EVA1A: variants seen among roughly 807,000 people sequenced by gnomAD.
EVA1A encodes protein eva-1 homolog A.
A neutral mutation model predicts 9.8 loss-of-function variants in EVA1A; 7 were observed. The observed-to-expected ratio is 0.71, with a 90% CI of 0.41 to 1.34. The LOEUF (loss-of-function observed/expected upper bound fraction) is 1.34, where lower values mean the gene tolerates loss of function less well. Among genes scored for constraint, EVA1A ranks in the 40% most tolerant of loss-of-function variants. The probability of loss-of-function intolerance (pLI) is 0.01; values close to 1 mark genes in which losing one functional copy is unlikely to be tolerated. For synonymous variants in EVA1A, 90 were observed against 85.6 expected, an observed-to-expected ratio of 1.05 and a Z score of -0.28; for missense variants, 206 against 205.9, an observed-to-expected ratio of 1.00 and a Z score of 0.00.
intron 3 of EVA1A, among the ~76,000 whole-genome samples, chr2:75,509,920 T>C (rs991470493): frequency 6.6e-6 from 1 of 151,492 alleles, no homozygotes; most frequent in Non-Finnish European, 1.5e-5. Context: ...AAAAACCTAA[T>C]GAAGTGGGGG....
chr2:75,512,072 A>G (rs1403546644), intron 3 of EVA1A, among the ~76,000 whole-genome samples: 1 of 152,058 alleles, frequency 6.6e-6, no homozygotes, highest in East Asian at 1.9e-4. Context: ...TTTATGGGGT[A>G]CCCAAAGGTG....
chr2:75,494,761 A>G (rs1674148122), intron 3 of EVA1A, among the ~76,000 whole-genome samples: 2 of 152,210 alleles, frequency 1.3e-5, no homozygotes, highest in Non-Finnish European at 1.5e-5. Context: ...GTTTTCAGCC[A>G]CTAAGTTTTG....
chr2:75,535,261 A>G (rs1025420945), intron 1 of EVA1A, among the ~76,000 whole-genome samples: 3 of 150,890 alleles, frequency 2.0e-5, no homozygotes, highest in African/African-American at 7.4e-5. Context: ...GCCATTATTA[A>G]AAAGTCAAAA....
chr2:75,545,826 C>T (rs1344325854), intron 1 of EVA1A, among the ~76,000 whole-genome samples: 2 of 152,012 alleles, frequency 1.3e-5, no homozygotes, highest in African/African-American at 4.8e-5. Context: ...CAAGGGGAAG[C>T]CCAAGGAGCT....
chr2:75,500,030 C>T (rs1674353752), intron 3 of EVA1A, among the ~76,000 whole-genome samples: 1 of 152,194 alleles, frequency 6.6e-6, no homozygotes, highest in Non-Finnish European at 1.5e-5. Context: ...ACCTGTTCTA[C>T]ACCACCCATT....
At chr2:75,495,648 G>C (rs1364478317) in intron 3 of EVA1A, among the ~76,000 whole-genome samples, 1 of 152,038 alleles carries the variant, frequency 6.6e-6, no homozygotes, top group Non-Finnish European at 1.5e-5. Flanking sequence ...TAATTTCTCT[G>C]ACTATACATT....
chr2:75,533,059 A>T (rs1188016470), intron 1 of EVA1A, among the ~76,000 whole-genome samples: 1 of 151,762 alleles, frequency 6.6e-6, no homozygotes, highest in Non-Finnish European at 1.5e-5. Context: ...TGAGAGGATC[A>T]CTTGAGCCTA....
upstream of EVA1A, among the ~76,000 whole-genome samples, chr2:75,564,315 G>T (rs1222392063): frequency 6.6e-6 from 1 of 152,206 alleles, no homozygotes; most frequent in Non-Finnish European, 1.5e-5. Flanking sequence ...AGAATTAGAG[G>T]AAGAAAAGGG....
chr2:75,560,092 T>C (rs1676870469), intron 1 of EVA1A, among the ~76,000 whole-genome samples: 1 of 152,122 alleles, frequency 6.6e-6, no homozygotes, highest in Admixed American at 6.5e-5. Context: ...TAGAGCAGCG[T>C]GGACTGTCTG....
At chr2:75,555,567 G>T (rs1676682495) in intron 1 of EVA1A, among the ~76,000 whole-genome samples, 1 of 152,046 alleles carries the variant, frequency 6.6e-6, no homozygotes, top group Admixed American at 6.6e-5. Context: ...TTGCTTACTA[G>T]AGACAGTGTC....
In EVA1A at chr2:75,493,136, C is replaced by G; in HGVS notation, c.*100G>C. The G allele has an allele frequency of 1.4e-6, 2 of 1,471,772 alleles. No homozygotes were observed. Among genetic ancestry groups the G allele is most frequent in the Non-Finnish European group, 1.8e-6 (2 of 1,098,050 alleles). The allele number at this position is 1,471,772 out of a possible 1,614,324, so 91.2% of individuals were successfully genotyped here. A position where few individuals can be genotyped will look rare whatever the true frequency, so the allele number is the denominator to read the frequency against. On this transcript the variant is annotated 3_prime_UTR_variant, in exon 4 of 4. Coordinates refer to ENST00000393913, the MANE Select transcript of EVA1A (RefSeq NM_001135032.2). Reference sequence around the variant, plus strand: ...ATGTCCTGCTTTTTCTCTGAAATCACAATATTAGCAGAGCTGGGTTCAGTT... The same window carrying G: ...ATGTCCTGCTTTTTCTCTGAAATCAGAATATTAGCAGAGCTGGGTTCAGTT...
At chr2:75,507,016 C>T (rs988779981) in intron 3 of EVA1A, among the ~76,000 whole-genome samples, 4 of 152,222 alleles carry the variant, frequency 2.6e-5, no homozygotes, top group Admixed American at 6.5e-5. Context: ...CCTGTCCACA[C>T]ATCCAAAAGT....
At chr2:75,509,598 C>A (rs1480073882) in intron 3 of EVA1A, among the ~76,000 whole-genome samples, 1 of 152,088 alleles carries the variant, frequency 6.6e-6, no homozygotes, top group Non-Finnish European at 1.5e-5. Context: ...CGTTCTTTCA[C>A]CCTAGGTCAA....
chr2:75,552,731 T>C (rs575659152), intron 1 of EVA1A, among the ~76,000 whole-genome samples: 2 of 152,300 alleles, frequency 1.3e-5, no homozygotes, highest in South Asian at 4.2e-4. Flanking sequence ...TAGAGTCCAC[T>C]GTTTTCAGAT....
chr2:75,517,729 G>A, intron 3 of EVA1A: 2 of 709,230 alleles, frequency 2.8e-6, no homozygotes, highest in East Asian at 2.7e-5. Flanking sequence ...CCAGGCTGAG[G>A]TACTCCATCA....
rs1051330994 is a variant in EVA1A at position 75,493,595 on chromosome 2, C to A, written c.100G>T (p.Ala34Ser). The change falls in exon 4 of 4, where the codon GCA becomes TCA. Residue 34 changes from alanine (A) to serine (S), a missense_variant. Physicochemically the swap from Ala to Ser is moderately conservative, Grantham distance 99. Coordinates refer to ENST00000393913, the MANE Select transcript of EVA1A (RefSeq NM_001135032.2). ...ACGCCAGAAACAAAGTACAGAGCTGCTCGCTCAGGATTTTCTGGAGGAAGA... is the reference window on the plus strand; with the variant it reads ...ACGCCAGAAACAAAGTACAGAGCTGATCGCTCAGGATTTTCTGGAGGAAGA... The part of the protein sequence containing the change: ...YSFVSENPER[A>S]ALYFVSGVCI... 6.3e-7 allele frequency: 1 copy of A among 1,593,038 alleles called. No homozygotes were observed. Among genetic ancestry groups the A allele is most frequent in the African/African-American group, 1.3e-5 (1 of 74,434 alleles).
At chr2:75,553,358 G>A (rs1274600141) in intron 1 of EVA1A, among the ~76,000 whole-genome samples, 1 of 152,252 alleles carries the variant, frequency 6.6e-6, no homozygotes, top group Non-Finnish European at 1.5e-5. Flanking sequence ...CCAGTTTACA[G>A]TAGGCTCTGG....
chr2:75,502,688 G>C (rs1157336848), intron 3 of EVA1A, among the ~76,000 whole-genome samples: 1 of 152,134 alleles, frequency 6.6e-6, no homozygotes, highest in Non-Finnish European at 1.5e-5. Context: ...GAGTGAAAGA[G>C]CTATCATTCA....
intron 3 of EVA1A, among the ~76,000 whole-genome samples, chr2:75,505,832 T>A (rs77715204): frequency 6.6e-6 from 1 of 152,042 alleles, no homozygotes. Flanking sequence ...GGGTAGGGAA[T>A]TTTTTTAATT....
Sources: allele counts gnomAD v4.1 joint callset (sites outside exome capture counted in the v4.1 genomes callset), GRCh38; gene constraint gnomAD v4.1.1; transcripts MANE v1.5; gene names NCBI Gene and HGNC (gene_info 2026-07-23, HGNC 2026-07-21).